Variants in NBAS observed in about 807,000 individuals in gnomAD.
The protein encoded by NBAS is NBAS subunit of NRZ tethering complex, also known as NAG/BC035112 fusion.
NBAS carries 219 observed loss-of-function variants against 302.5 expected under a neutral mutation model. That is an observed-to-expected ratio of 0.72 (90% CI 0.65 to 0.81). The LOEUF (loss-of-function observed/expected upper bound fraction) is 0.81. NBAS is among the 30% of genes least tolerant of loss of function. The pLI, the probability that NBAS is intolerant of heterozygous loss-of-function variation, is 0.00. For synonymous variants in NBAS, 1,118 were observed against 1,021.6 expected, an observed-to-expected ratio of 1.09 and a Z score of -1.80; for missense variants, 2,932 against 2,841.6, an observed-to-expected ratio of 1.03 and a Z score of -0.72.
chr2:15,104,245 G>C, the NBAS span, among the ~76,000 whole-genome samples: 2 of 152,188 alleles, frequency 1.3e-5, no homozygotes, highest in East Asian at 3.9e-4. Context: ...ATGATTGTGA[G>C]GTCTCCCCAG....
the NBAS span, among the ~76,000 whole-genome samples, chr2:15,160,639 C>T: frequency 5.6e-3 from 854 of 151,686 alleles, 7 homozygotes; most frequent in African/African-American, 0.02. Context: ...AGGGCCCCTT[C>T]AATCCACAAT....
chr2:15,135,146 T>C, the NBAS span, among the ~76,000 whole-genome samples: 1 of 152,172 alleles, frequency 6.6e-6, no homozygotes, highest in Non-Finnish European at 1.5e-5. Flanking sequence ...TCTCCATCAG[T>C]GGCTCTTACG....
chr2:14,983,565 C>T, the NBAS span, among the ~76,000 whole-genome samples: 2 of 152,158 alleles, frequency 1.3e-5, no homozygotes, highest in East Asian at 3.9e-4. Flanking sequence ...CCCCAACCCA[C>T]TACCCAAATT....
intron 21 of NBAS, among the ~76,000 whole-genome samples, 199 bp downstream of exon 21, chr2:15,461,002 G>T (rs951010430): frequency 2.0e-5 from 3 of 152,142 alleles, no homozygotes; most frequent in Non-Finnish European, 2.9e-5. Flanking sequence ...AAAAATTTGT[G>T]CTCATTAAGT....
chr2:14,941,262 A>G, the NBAS span, among the ~76,000 whole-genome samples: 2 of 152,310 alleles, frequency 1.3e-5, no homozygotes, highest in East Asian at 3.9e-4. Context: ...CAGATGATCT[A>G]TGTTTATATG....
At chr2:15,506,346 T>C (rs1661849575) in intron 10 of NBAS, among the ~76,000 whole-genome samples, 1 of 151,994 alleles carries the variant, frequency 6.6e-6, no homozygotes, top group Admixed American at 6.6e-5. Flanking sequence ...AACTCCAATA[T>C]CCTAGGAAGC....
the NBAS span, among the ~76,000 whole-genome samples, chr2:14,932,890 A>C: frequency 5.4e-4 from 82 of 152,336 alleles, 1 homozygote; most frequent in Admixed American, 3.6e-3. Context: ...CTGATAATGA[A>C]AAAAGGCATG....
intron 6 of NBAS, among the ~76,000 whole-genome samples, chr2:15,545,036 C>CCG (rs1253519138): frequency 1.3e-4 from 19 of 151,838 alleles, no homozygotes; most frequent in African/African-American, 4.1e-4. Context: ...TATCCAATAC[C>CCG]CGCGCTATAC....
At chr2:15,034,096 GAGGAGAAGGAGAAGA>G in the NBAS span, among the ~76,000 whole-genome samples, 1 of 147,512 alleles carries the variant, frequency 6.8e-6, no homozygotes, top group Non-Finnish European at 1.5e-5. Flanking sequence ...AGAAGAGGAG[GAGGAGAAGGAGAAGA>G]AGGAGAAGGA....
the NBAS span, among the ~76,000 whole-genome samples, chr2:14,888,506 A>G: frequency 1.3e-5 from 2 of 151,754 alleles, no homozygotes; most frequent in Non-Finnish European, 2.9e-5. Flanking sequence ...CTCATTCTCT[A>G]TGATTTCTCT....
Position 15,179,076 on chromosome 2 carries a change from AG to A in NBAS, c.6751del (p.Leu2251SerfsTer6), listed in dbSNP as rs1243632282. 6.2e-7 allele frequency: 1 copy of A among 1,614,156 alleles called. No homozygotes were observed. On this transcript the variant is annotated frameshift_variant, in exon 51 of 52. Transcript: ENST00000281513. LOFTEE classifies it high-confidence loss of function. Reference protein sequence around the residue: ...ELCLLLLNQSLLLPSLKLLLE... With the variant: ...ELCLLLLNQSXLLPSLKLLLE... The stretch of plus-strand genomic sequence containing the variant: ...GAGAAGTTTCAGAGATGGAAGCAGG[AG>A]GGACTGGTTAAGCAGCAGCAGACAC...
the NBAS span, among the ~76,000 whole-genome samples, chr2:15,147,477 C>T: frequency 6.6e-6 from 1 of 152,038 alleles, no homozygotes; most frequent in Non-Finnish European, 1.5e-5. Flanking sequence ...CCTGTAATCC[C>T]AGCTACTCGG....
At chr2:14,982,966 G>A in the NBAS span, among the ~76,000 whole-genome samples, 1 of 152,130 alleles carries the variant, frequency 6.6e-6, no homozygotes, top group Non-Finnish European at 1.5e-5. Context: ...TGTGGAAAGA[G>A]GAACCAGGTA....
At chr2:15,554,743 C>T (rs1233722289) in intron 3 of NBAS, among the ~76,000 whole-genome samples, 1 of 151,184 alleles carries the variant, frequency 6.6e-6, no homozygotes, top group Non-Finnish European at 1.5e-5. Flanking sequence ...TCACCATAGG[C>T]CCAGGGAGAC....
chr2:14,863,664 C>T, the NBAS span, among the ~76,000 whole-genome samples: 3 of 152,202 alleles, frequency 2.0e-5, no homozygotes, highest in Non-Finnish European at 4.4e-5. Context: ...GTTACAATGG[C>T]TTAGTTCCGG....
chr2:15,098,291 T>TGTGTATACTATATC, the NBAS span, among the ~76,000 whole-genome samples: 2 of 5,164 alleles, frequency 3.9e-4, 1 homozygote, highest in African/African-American at 3.2e-3. Context: ...TAATATATAT[T>TGTGTATACTATATC]ATATACAATA....
At chr2:15,190,241 G>A (rs369047493) in intron 49 of NBAS, 23 bp downstream of exon 49, 9 of 1,612,716 alleles carry the variant, frequency 5.6e-6, no homozygotes, top group African/African-American at 5.3e-5. Context: ...CTCTAATTAC[G>A]CTAATTTTAT....
the NBAS span, among the ~76,000 whole-genome samples, chr2:15,066,899 C>T: frequency 6.6e-6 from 1 of 152,098 alleles, no homozygotes; most frequent in South Asian, 2.1e-4. Flanking sequence ...GAAATATCAG[C>T]ACCCCCATGT....
At chr2:15,055,361 G>A in the NBAS span, among the ~76,000 whole-genome samples, 1 of 152,172 alleles carries the variant, frequency 6.6e-6, no homozygotes, top group African/African-American at 2.4e-5. Context: ...TGGGTGAGGT[G>A]CAACCTGACT....
Sources: gnomAD v4.1 joint callset for allele counts (sites outside exome capture counted in the v4.1 genomes callset) on GRCh38, gnomAD v4.1.1 for gene constraint, MANE v1.5 for transcripts, NCBI Gene and HGNC (gene_info 2026-07-23, HGNC 2026-07-21) for gene names.